The following CGGBP1 variants were observed in gnomAD, a reference collection of about 807,000 sequenced individuals.
CGGBP1 encodes CGG triplet repeat binding protein 1, also known as CGG triplet repeat-binding protein 1.
In CGGBP1, 4 loss-of-function variants were observed where a neutral mutation model predicts 11.4. The ratio of observed to expected loss-of-function variants is 0.35; its 90% CI spans 0.17 to 0.80. The LOEUF is 0.80. Among genes scored for constraint, CGGBP1 ranks in the 30% least tolerant of loss-of-function variants. The pLI is 0.52. For synonymous variants in CGGBP1, 76 were observed against 74.1 expected, an observed-to-expected ratio of 1.03 and a Z score of -0.13; for missense variants, 135 against 202.1, an observed-to-expected ratio of 0.67 and a Z score of 2.01.
At chr3:88,115,782 T>C (rs1286414047) in intron 2 of CGGBP1, among the ~76,000 whole-genome samples, 1 of 152,212 alleles carries the variant, frequency 6.6e-6, no homozygotes, top group Non-Finnish European at 1.5e-5. Context: ...TTTGCATTTC[T>C]CATATGATGC....
intron 2 of CGGBP1, among the ~76,000 whole-genome samples, chr3:88,123,116 T>C (rs1490633467): frequency 6.6e-6 from 1 of 152,176 alleles, no homozygotes; most frequent in Non-Finnish European, 1.5e-5. Context: ...TGCTTCCTTA[T>C]TCACTTCGAG....
At chr3:88,140,288 A>G (rs1707040500) in intron 2 of CGGBP1, 1 of 1,613,662 alleles carries the variant, frequency 6.2e-7, no homozygotes. Context: ...TAAGTAAAAC[A>G]CCAGAGTCAT....
intron 2 of CGGBP1, chr3:88,139,693 A>G: frequency 6.3e-7 from 1 of 1,590,216 alleles, no homozygotes; most frequent in Non-Finnish European, 8.6e-7. Flanking sequence ...GTTATTGAAA[A>G]TGTTATTGAA....
intron 1 of CGGBP1, chr3:88,141,097 G>A (rs1707100747): frequency 2.6e-6 from 4 of 1,524,596 alleles, no homozygotes; most frequent in Admixed American, 2.3e-5. Context: ...AGAGAAAATG[G>A]CATAAATAAA....
At chr3:88,064,008 G>C (rs961406559), upstream of CGGBP1, among the ~76,000 whole-genome samples, 2 of 151,982 alleles carry the variant, frequency 1.3e-5, no homozygotes, top group Non-Finnish European at 2.9e-5. Context: ...AAGAATGTTA[G>C]GAAATTTTTC....
At chr3:88,073,208 A>T (rs1707615791) in intron 2 of CGGBP1, among the ~76,000 whole-genome samples, 1 of 152,164 alleles carries the variant, frequency 6.6e-6, no homozygotes, top group African/African-American at 2.4e-5. Flanking sequence ...CAGAATCCGG[A>T]ACTGTGGGAC....
At chr3:88,131,376 T>C (rs372582441) in intron 2 of CGGBP1, among the ~76,000 whole-genome samples, 22 of 152,192 alleles carry the variant, frequency 1.4e-4, no homozygotes, top group African/African-American at 4.8e-4. Context: ...AAACTGAAAA[T>C]AGTCATGACA....
chr3:88,129,900 T>A (rs1159526807), intron 2 of CGGBP1: 2 of 1,261,942 alleles, frequency 1.6e-6, no homozygotes, highest in Non-Finnish European at 2.0e-6. Context: ...TGAACTTTGT[T>A]TTTTACATTG....
At chr3:88,113,455 C>T (rs938251143) in intron 2 of CGGBP1, among the ~76,000 whole-genome samples, 3 of 152,268 alleles carry the variant, frequency 2.0e-5, no homozygotes, top group Admixed American at 2.0e-4. Context: ...TTGTGGATTC[C>T]TAGAACTTAG....
At chr3:88,094,249 C>T (rs776212639) in intron 2 of CGGBP1, among the ~76,000 whole-genome samples, 1 of 151,996 alleles carries the variant, frequency 6.6e-6, no homozygotes, top group African/African-American at 2.4e-5. Flanking sequence ...ACTCTTAGTG[C>T]ATTTGTTTGT....
At chr3:88,094,336 T>G (rs964882248) in intron 2 of CGGBP1, among the ~76,000 whole-genome samples, 1 of 152,164 alleles carries the variant, frequency 6.6e-6, no homozygotes, top group African/African-American at 2.4e-5. Context: ...AATTTTGGTC[T>G]TTATTGCTCC....
intron 2 of CGGBP1, among the ~76,000 whole-genome samples, chr3:88,105,474 T>C (rs550674534): frequency 6.6e-6 from 1 of 152,312 alleles, no homozygotes; most frequent in East Asian, 1.9e-4. Flanking sequence ...CTGTTATAAA[T>C]AGTGCTATGA....
chr3:88,066,712 C>T (rs369009705), intron 2 of CGGBP1, among the ~76,000 whole-genome samples: 2 of 152,214 alleles, frequency 1.3e-5, no homozygotes, highest in South Asian at 2.1e-4. Context: ...ACAAGTAAGG[C>T]ACCATTTGTA....
At chr3:88,071,078 C>T (rs570748518) in intron 2 of CGGBP1, among the ~76,000 whole-genome samples, 2 of 152,298 alleles carry the variant, frequency 1.3e-5, no homozygotes, top group African/African-American at 4.8e-5. Flanking sequence ...TGCATATCAT[C>T]CTGTCATCCT....
chr3:88,122,189 T>C (rs1705809895), intron 2 of CGGBP1, among the ~76,000 whole-genome samples: 1 of 152,100 alleles, frequency 6.6e-6, no homozygotes, highest in African/African-American at 2.4e-5. Context: ...GATACGTTCA[T>C]GGAAGTTGTA....
At chr3:88,108,443 T>C (rs1029077704) in intron 2 of CGGBP1, among the ~76,000 whole-genome samples, 1 of 152,192 alleles carries the variant, frequency 6.6e-6, no homozygotes, top group Non-Finnish European at 1.5e-5. Flanking sequence ...TAGTCTCCCC[T>C]CATCTGTGGA....
At chr3:88,088,921 C>T (rs1372890552) in intron 2 of CGGBP1, among the ~76,000 whole-genome samples, 5 of 151,300 alleles carry the variant, frequency 3.3e-5, no homozygotes, top group Admixed American at 1.3e-4. Context: ...GACAGGCACC[C>T]GCCACCATGC....
Position 88,058,994 on chromosome 3 carries a change from T to G in CGGBP1, c.-510A>C. 3.9e-6 allele frequency: 1 copy of G among 259,530 alleles called. No homozygotes were observed. Among genetic ancestry groups the G allele is most frequent in the Non-Finnish European group, 7.1e-6 (1 of 140,496 alleles). 16.1% of individuals were successfully genotyped at this position (259,530 alleles called of 1,614,324 possible). A position where few individuals can be genotyped will look rare whatever the true frequency, so the allele number is the denominator to read the frequency against. On this transcript the variant is annotated 5_prime_UTR_variant, in exon 1 of 4. Transcript: ENST00000482016. Reference sequence around the variant, plus strand: ...TGTCCCCCGCCGCGCCCCGTCCGCCTGCACCGCCTATGGCAGAGCCCGTAG... The same window carrying G: ...TGTCCCCCGCCGCGCCCCGTCCGCCGGCACCGCCTATGGCAGAGCCCGTAG...
intron 2 of CGGBP1, among the ~76,000 whole-genome samples, chr3:88,082,083 C>G (rs4438681): frequency 0.78 from 119,070 of 151,964 alleles, 47,570 homozygotes; most frequent in South Asian, 0.91. Context: ...CTTTGACGCC[C>G]CTAAAATGGA....
Sources: gnomAD v4.1 joint callset for allele counts (sites outside exome capture counted in the v4.1 genomes callset) on GRCh38, gnomAD v4.1.1 for gene constraint, MANE v1.5 for transcripts, NCBI Gene and HGNC (gene_info 2026-07-23, HGNC 2026-07-21) for gene names.